The following NCMAP variants were observed in gnomAD, a reference collection of about 807,000 sequenced individuals.
The protein encoded by NCMAP is non-compact myelin associated protein, also known as noncompact myelin-associated protein.
In NCMAP, 8 loss-of-function variants were observed where a neutral mutation model predicts 7.8. That is an observed-to-expected ratio of 1.02 (90% confidence interval 0.60 to 1.84). NCMAP has a LOEUF of 1.84. Among genes scored for constraint, NCMAP ranks in the 40% most tolerant of loss-of-function variants. The pLI, the probability that NCMAP is intolerant of heterozygous loss-of-function variation, is 0.00. For missense variants in NCMAP, 112 were observed against 131.4 expected (o/e 0.85, Z 0.72); for synonymous variants, 41 against 52.9 (o/e 0.78, Z 0.98).
At position 24,608,888 on chromosome 1, in the gene NCMAP, C is replaced by G. The variant is rs950901771; in HGVS notation, c.*3141C>G. 6.6e-6 allele frequency: 1 copy of G among 152,282 alleles called. No individual in the cohort carries two copies. The highest frequency in any genetic ancestry group is 1.5e-5 in the Non-Finnish European group (1 of 68,252). 9.4% of individuals were successfully genotyped at this position (152,282 alleles called of 1,614,324 possible). ...TCCAGCCGGGGTGACAGAGCCAGAC[C>G]CTGTCTCAAAGCATATTTCAACCCT... On this transcript the variant is annotated 3_prime_UTR_variant, in exon 4 of 4. Coordinates refer to ENST00000374392, the MANE Select transcript of NCMAP (RefSeq NM_001010980.5).
rs72886159 is a variant in NCMAP, at chr1:24,605,834, T to G, written c.*87T>G. ...GGCACACTCTCTGGCAGCTTCACAA[T>G]GAGCTTCTTCTGGTCAGGTCGACAG... On this transcript the variant is annotated 3_prime_UTR_variant, in exon 4 of 4. Transcript: ENST00000374392. 5 of 1,506,926 alleles carry G rather than the reference T, an allele frequency of 3.3e-6. 1 individual carries two copies. In the South Asian group the frequency reaches 5.9e-5, roughly 18 times the overall value. The allele number at this position is 1,506,926 out of a possible 1,614,324, so 93.3% of individuals were successfully genotyped here. A position where few individuals can be genotyped will look rare whatever the true frequency, so the allele number is the denominator to read the frequency against.
Position 24,573,965 on chromosome 1 carries a change from A to C in NCMAP, c.-8+17796A>C, listed in dbSNP as rs557149178. ...ACCCAGAGAGGACAAAAAAAAAAAAAAAAAAACAGAAAAAAGGGGGAATAT... is the reference window on the plus strand; with the variant it reads ...ACCCAGAGAGGACAAAAAAAAAAAACAAAAAACAGAAAAAAGGGGGAATAT... On this transcript the variant is annotated intron_variant, in intron 1 of 3. Transcript: ENST00000374392. Among the ~76,000 whole-genome samples, 6 of 146,202 alleles carry C rather than the reference A, an allele frequency of 4.1e-5. No individual in the cohort carries two copies. In the South Asian group the frequency reaches 1.3e-3, roughly 31 times the overall value.
At position 24,606,135 on chromosome 1, in the gene NCMAP, T is replaced by A. The variant is rs972801643; in HGVS notation, c.*388T>A. 5.6e-6 allele frequency: 1 copy of A among 177,256 alleles called. No individual in the cohort carries two copies. The highest frequency in any genetic ancestry group is 1.6e-4 in the South Asian group (1 of 6,120). 11.0% of individuals were successfully genotyped at this position (177,256 alleles called of 1,614,324 possible). On this transcript the variant is annotated 3_prime_UTR_variant, in exon 4 of 4. Transcript: ENST00000374392. ...AATAGGATCTGTCACGGGGTTCATA[T>A]CAGATGAAGCGCCGTATCCACTGCT...
At chr1:24,585,106 C>T (rs1449405864) in intron 1 of NCMAP, among the ~76,000 whole-genome samples, 1 of 152,136 alleles carries the variant, frequency 6.6e-6, no homozygotes, top group African/African-American at 2.4e-5. Flanking sequence ...TTGTGTATGG[C>T]CTCCAGTTCA....
intron 1 of NCMAP, among the ~76,000 whole-genome samples, chr1:24,594,900 A>ATT (rs71683599): frequency 3.3e-5 from 5 of 151,894 alleles, no homozygotes; most frequent in Admixed American, 6.6e-5. Context: ...TAAAAAAAAA[A>ATT]TTTTTTAAAT....
At chr1:24,573,576 A>G (rs1651450435) in intron 1 of NCMAP, among the ~76,000 whole-genome samples, 1 of 149,594 alleles carries the variant, frequency 6.7e-6, no homozygotes, top group Non-Finnish European at 1.5e-5. Flanking sequence ...TGACATAGCA[A>G]GACTCTGTCC....
chr1:24,580,570 C>T (rs1394488090), intron 1 of NCMAP, among the ~76,000 whole-genome samples: 2 of 152,208 alleles, frequency 1.3e-5, no homozygotes, highest in Non-Finnish European at 2.9e-5. Context: ...CCTGCCTCAG[C>T]CTCCTGAGTA....
intron 1 of NCMAP, chr1:24,563,924 G>C (rs976919091): frequency 6.6e-6 from 1 of 152,114 alleles, no homozygotes; most frequent in Non-Finnish European, 1.5e-5. Context: ...AGTAGGAACA[G>C]AAAAGGCCAA....
intron 1 of NCMAP, among the ~76,000 whole-genome samples, chr1:24,580,880 G>A (rs962223836): frequency 2.0e-5 from 3 of 152,192 alleles, no homozygotes; most frequent in Non-Finnish European, 4.4e-5. Flanking sequence ...TAGTCTGTAG[G>A]TTTAGGCCTT....
chr1:24,604,592 A>C (rs1652624919), intron 3 of NCMAP, among the ~76,000 whole-genome samples: 1 of 62,868 alleles, frequency 1.6e-5, no homozygotes, highest in African/African-American at 9.7e-5. Context: ...AAAAAAAAAA[A>C]AAAAAAAAAA....
intron 1 of NCMAP, among the ~76,000 whole-genome samples, chr1:24,588,170 C>T (rs1651946373): frequency 6.6e-6 from 1 of 152,124 alleles, no homozygotes; most frequent in African/African-American, 2.4e-5. Flanking sequence ...CAGCCTCAAA[C>T]TCCTGGGCTC....
intron 1 of NCMAP, among the ~76,000 whole-genome samples, chr1:24,570,303 T>C (rs1340190722): frequency 6.6e-6 from 1 of 150,544 alleles, no homozygotes; most frequent in Non-Finnish European, 1.5e-5. Flanking sequence ...AAACATAAAG[T>C]AAGTTAGGCC....
intron 2 of NCMAP, among the ~76,000 whole-genome samples, chr1:24,596,499 A>G (rs1214076679): frequency 6.6e-6 from 1 of 152,106 alleles, no homozygotes; most frequent in African/African-American, 2.4e-5. Context: ...CCTGGGCAAT[A>G]TGGGGAGACA....
intron 3 of NCMAP, 86 bp downstream of exon 3, chr1:24,601,110 C>G (rs928163698): frequency 3.5e-5 from 38 of 1,080,660 alleles, no homozygotes; most frequent in Non-Finnish European, 5.1e-5. Flanking sequence ...GGGTGTCCGT[C>G]GTGTGCCTGG....
chr1:24,564,041 T>C (rs1570512505), intron 1 of NCMAP: 1 of 151,714 alleles, frequency 6.6e-6, no homozygotes. Flanking sequence ...TAAGAGAGAA[T>C]CAAGCCAAAA....
At position 24,602,464 on chromosome 1, in the gene NCMAP, G is replaced by A. The variant is rs575977387; in HGVS notation, c.167+1440G>A. On this transcript the variant is annotated intron_variant, in intron 3 of 3. Coordinates refer to ENST00000374392, the MANE Select transcript of NCMAP (RefSeq NM_001010980.5). Reference sequence around the variant, plus strand: ...GGGCGCCTGTAGTCCCAGCTACTCGGGAGGCTGAGGCAGGAGAATGGCGTG... The same window carrying A: ...GGGCGCCTGTAGTCCCAGCTACTCGAGAGGCTGAGGCAGGAGAATGGCGTG... Among the ~76,000 whole-genome samples, 185 of 145,368 alleles carry A rather than the reference G, an allele frequency of 1.3e-3. 21 individuals carry two copies. Among genetic ancestry groups the A allele is most frequent in the African/African-American group, 5.0e-3 (180 of 36,076 alleles).
intron 1 of NCMAP, among the ~76,000 whole-genome samples, chr1:24,558,706 A>C (rs929627581): frequency 2.0e-5 from 3 of 152,110 alleles, no homozygotes; most frequent in Non-Finnish European, 2.9e-5. Flanking sequence ...CAGGGAGCGG[A>C]GCGCACTGTC....
Position 24,609,316 on chromosome 1 carries a change from G to A in NCMAP, c.*3569G>A, listed in dbSNP as rs887786659. ...AAAGAAAAATATCTGACAATAAAAAGGTTTAAATCAAATGTGTTGAGTTTA... is the reference window on the plus strand; with the variant it reads ...AAAGAAAAATATCTGACAATAAAAAAGTTTAAATCAAATGTGTTGAGTTTA... On this transcript the variant is annotated 3_prime_UTR_variant, in exon 4 of 4. Coordinates refer to ENST00000374392, the MANE Select transcript of NCMAP (RefSeq NM_001010980.5). The A allele has an allele frequency of 2.6e-5, 4 of 152,140 alleles. No homozygotes were observed. Among genetic ancestry groups the A allele is most frequent in the Non-Finnish European group, 5.9e-5 (4 of 68,022 alleles). The allele number at this position is 152,140 out of a possible 1,614,324, so 9.4% of individuals were successfully genotyped here.
chr1:24,590,417 G>A (rs929050755), intron 1 of NCMAP, among the ~76,000 whole-genome samples: 1 of 152,106 alleles, frequency 6.6e-6, no homozygotes, highest in African/African-American at 2.4e-5. Context: ...AAGCCTCACT[G>A]GTGAGTCTTC....
Sources: gnomAD v4.1 joint callset for allele counts (sites outside exome capture counted in the v4.1 genomes callset) on GRCh38, gnomAD v4.1.1 for gene constraint, MANE v1.5 for transcripts, NCBI Gene and HGNC (gene_info 2026-07-23, HGNC 2026-07-21) for gene names.